The following CRHR1 variants were observed in gnomAD, a reference collection of about 807,000 sequenced individuals.
The protein encoded by CRHR1 is corticotropin-releasing hormone receptor 1.
Under a neutral mutation model 56.0 loss-of-function variants are expected in CRHR1, and 28 were observed. That is an observed-to-expected ratio of 0.50 (90% confidence interval 0.37 to 0.69). The LOEUF is 0.69. CRHR1 is among the 30% of genes least tolerant of loss of function. The pLI is 0.00. For missense variants in CRHR1, 376 were observed against 548.0 expected, an observed-to-expected ratio of 0.69 and a Z score of 3.13; for synonymous variants, 195 against 216.5, an observed-to-expected ratio of 0.90 and a Z score of 0.87.
intron 2 of CRHR1, among the ~76,000 whole-genome samples, chr17:45,816,109 G>C (rs563629365): frequency 4.8e-4 from 73 of 152,230 alleles, no homozygotes; most frequent in East Asian, 3.3e-3. Flanking sequence ...ACCATGCGAG[G>C]GACCAAGAGA....
intron 10 of CRHR1, 21 bp from the exon 11 acceptor site, chr17:45,833,693 T>TGGGGGGGGCCG: frequency 1.3e-6 from 2 of 1,571,618 alleles, no homozygotes; most frequent in Non-Finnish European, 1.7e-6. Flanking sequence ...ACTCCGAGCC[T>TGGGGGGGGCCG]CCCCACCCGC....
intron 1 of CRHR1, among the ~76,000 whole-genome samples, chr17:45,802,347 C>A (rs1292539795): frequency 6.6e-6 from 1 of 152,134 alleles, no homozygotes; most frequent in South Asian, 2.1e-4. Flanking sequence ...CAAAAAAATT[C>A]TCCATTTTAA....
At chr17:45,795,219 G>C (rs1029984289) in intron 1 of CRHR1, among the ~76,000 whole-genome samples, 4 of 152,170 alleles carry the variant, frequency 2.6e-5, no homozygotes, top group African/African-American at 9.7e-5. Flanking sequence ...CATTCACCAA[G>C]AAGAGTGCAA....
intron 1 of CRHR1, among the ~76,000 whole-genome samples, chr17:45,789,989 A>G (rs1397134283): frequency 1.3e-5 from 2 of 152,228 alleles, no homozygotes; most frequent in Admixed American, 1.3e-4. Context: ...TAGTCACTTA[A>G]TAAATCTTAC....
At chr17:45,813,148 A>T (rs375183859) in intron 2 of CRHR1, among the ~76,000 whole-genome samples, 9 of 152,214 alleles carry the variant, frequency 5.9e-5, no homozygotes, top group Non-Finnish European at 1.0e-4. Flanking sequence ...CCCACAAGGC[A>T]GTCCCAGGCC....
chr17:45,801,086 A>C (rs1383888284), intron 1 of CRHR1, among the ~76,000 whole-genome samples: 1 of 152,192 alleles, frequency 6.6e-6, no homozygotes, highest in Non-Finnish European at 1.5e-5. Flanking sequence ...TGGCAGCTTC[A>C]TTCCAGCCCC....
rs200468311 is a variant in CRHR1 at position 45,833,797 on chromosome 17, A to T, written c.1013A>T (p.Glu338Val). 6.2e-6 allele frequency: 10 copies of T among 1,607,866 alleles called. No homozygotes were observed. In the Admixed American group the frequency reaches 1.5e-4, roughly 24 times the overall value. The change falls in exon 11 of 13, where the codon GAG becomes GTG. Residue 338 changes from glutamate to valine, a missense_variant. Transcript: ENST00000314537. The stretch of plus-strand genomic sequence containing the variant: ...TTCTTCGTCAATCCCGGGGAGGATG[A>T]GGTCTCCCGGGTCGTCTTCATCTAC... ...MLFFVNPGED[E>V]VSRVVFIYFN... is the part of the protein sequence containing the mutation.
At position 45,828,911 on chromosome 17, in the gene CRHR1, G is replaced by A. The variant is rs543060473; in HGVS notation, c.328-304G>A. ...GAGTGTGAGGGCGCACCTGTGAGCCGGCCACATGTGCTTGTGCATGCAGGG... is the reference window on the plus strand; with the variant it reads ...GAGTGTGAGGGCGCACCTGTGAGCCAGCCACATGTGCTTGTGCATGCAGGG... On this transcript the variant is annotated intron_variant, in intron 4 of 12. Coordinates refer to ENST00000314537, the MANE Select transcript of CRHR1 (RefSeq NM_004382.5). 3.3e-5 allele frequency among the ~76,000 whole-genome samples: 5 copies of A among 152,316 alleles called. 1 individual carries two copies. The Middle Eastern group carries it at 0.01, about 311-fold the overall frequency.
chr17:45,797,877 C>T (rs1200744939), intron 1 of CRHR1, among the ~76,000 whole-genome samples: 2 of 152,148 alleles, frequency 1.3e-5, no homozygotes, highest in African/African-American at 2.4e-5. Flanking sequence ...GATGAGGTAA[C>T]TGAGGTGGGG....
chr17:45,819,103 G>A (rs1026583467), intron 3 of CRHR1, among the ~76,000 whole-genome samples: 6 of 152,120 alleles, frequency 3.9e-5, no homozygotes, highest in South Asian at 2.1e-4. Context: ...AATATCCACC[G>A]GTACCCTTTG....
At position 45,833,840 on chromosome 17, in the gene CRHR1, A is replaced by G. The variant is rs780640695; in HGVS notation, c.1056A>G (p.Glu352=). The stretch of plus-strand genomic sequence containing the variant: ...TCATCTACTTCAACTCCTTCCTGGA[A>G]TCCTTCCAGGTACAGCCCTGGAGGG... The part of the protein sequence containing the change: ...VVFIYFNSFL[E]SFQGFFVSVF... Residue 352 remains glutamate, a synonymous_variant, in exon 11 of 13, where the codon GAA becomes GAG. Coordinates refer to ENST00000314537, the MANE Select transcript of CRHR1 (RefSeq NM_004382.5). The G allele has an allele frequency of 6.2e-7, 1 of 1,613,628 alleles. No individual in the cohort carries two copies. The highest frequency in any genetic ancestry group is 8.5e-7 in the Non-Finnish European group (1 of 1,180,004).
chr17:45,785,508 C>T (rs972493988), intron 1 of CRHR1, among the ~76,000 whole-genome samples: 2 of 152,230 alleles, frequency 1.3e-5, no homozygotes, highest in Non-Finnish European at 2.9e-5. Flanking sequence ...GGACACCCCG[C>T]TTCGCGCCAG....
At chr17:45,816,931 G>GT (rs1217121018) in intron 3 of CRHR1, among the ~76,000 whole-genome samples, 1 of 152,180 alleles carries the variant, frequency 6.6e-6, no homozygotes, top group African/African-American at 2.4e-5. Context: ...AGGTTAGTCT[G>GT]TTTGAGCCTA....
chr17:45,788,509 T>C (rs2061373720), intron 1 of CRHR1, among the ~76,000 whole-genome samples: 1 of 152,214 alleles, frequency 6.6e-6, no homozygotes, highest in African/African-American at 2.4e-5. Flanking sequence ...AACATGGTAC[T>C]TGGACCTAAG....
chr17:45,829,147 G>C, intron 4 of CRHR1, 68 bp from the exon 5 acceptor site: 1 of 1,249,202 alleles, frequency 8.0e-7, no homozygotes, highest in South Asian at 1.3e-5. Flanking sequence ...GCCACCCCTA[G>C]GCGATGTCCT....
At chr17:45,831,730 G>A (rs571403169) in intron 8 of CRHR1, among the ~76,000 whole-genome samples, 9 of 152,308 alleles carry the variant, frequency 5.9e-5, no homozygotes, top group Admixed American at 5.9e-4. Flanking sequence ...GGGCAGAAAA[G>A]GTGGACATGG....
intron 1 of CRHR1, among the ~76,000 whole-genome samples, chr17:45,806,108 G>A (rs1482329764): frequency 1.3e-5 from 2 of 152,314 alleles, no homozygotes; most frequent in South Asian, 2.1e-4. Flanking sequence ...GCAACACAGC[G>A]TAACGGGGGG....
chr17:45,832,981 T>C (rs1411125618), intron 8 of CRHR1, among the ~76,000 whole-genome samples, 157 bp from the exon 9 acceptor site: 1 of 152,264 alleles, frequency 6.6e-6, no homozygotes, highest in Non-Finnish European at 1.5e-5. Context: ...GGCATGGCAG[T>C]GGGATCAAGT....
Position 45,824,619 on chromosome 17 carries a change from G to A in CRHR1, c.327+3179G>A, listed in dbSNP as rs1205731473. ...CTGTCCACCAGCAGGGTTAGGACAA[G>A]GAAGAGGATCGGGAGCCCGGTCTCA... On this transcript the variant is annotated intron_variant, in intron 4 of 12. Coordinates refer to ENST00000314537, the MANE Select transcript of CRHR1 (RefSeq NM_004382.5). 3.3e-5 allele frequency among the ~76,000 whole-genome samples: 5 copies of A among 152,334 alleles called. No individual in the cohort carries two copies. The East Asian group carries it at 9.6e-4, about 29-fold the overall frequency.
Sources: gnomAD v4.1 joint callset for allele counts (sites outside exome capture counted in the v4.1 genomes callset) on GRCh38, gnomAD v4.1.1 for gene constraint, MANE v1.5 for transcripts, NCBI Gene and HGNC (gene_info 2026-07-23, HGNC 2026-07-21) for gene names.